GRM4: variants seen among roughly 807,000 people sequenced by gnomAD.
The protein encoded by GRM4 is metabotropic glutamate receptor 4.
Under a neutral mutation model 81.7 loss-of-function variants are expected in GRM4, and 28 were observed. The ratio of observed to expected loss-of-function variants is 0.34; its 90% confidence interval spans 0.25 to 0.47. The LOEUF (loss-of-function observed/expected upper bound fraction) is 0.47. GRM4 is among the 20% of genes least tolerant of loss of function. The pLI, the probability that GRM4 is intolerant of heterozygous loss-of-function variation, is 1.00. For missense variants in GRM4, 948 were observed against 1,290.0 expected (o/e 0.73, Z 4.06); for synonymous variants, 488 against 528.8 (o/e 0.92, Z 1.06).
chr6:34,113,154 T>C (rs1456023102), intron 2 of GRM4, among the ~76,000 whole-genome samples: 1 of 147,426 alleles, frequency 6.8e-6, no homozygotes, highest in Admixed American at 6.7e-5. Context: ...CCTCCCTTCC[T>C]TCCTTTCTTT....
At position 34,114,286 on chromosome 6, in the gene GRM4, C is replaced by T. The variant is rs1320289848; in HGVS notation, c.519+18692G>A. On this transcript the variant is annotated intron_variant, in intron 2 of 10. Coordinates refer to ENST00000538487, the MANE Select transcript of GRM4 (RefSeq NM_000841.4). The surrounding 1 kb of genome is among the most constrained non-coding windows in gnomAD (Gnocchi z 4.3). ...CATTTGGCTCACTCTGCTGCATTCT[C>T]AGCCCAACCCAACATCTGCTACTAA... Among the ~76,000 whole-genome samples, 2 of 152,176 alleles carry T rather than the reference C, an allele frequency of 1.3e-5. No individual in the cohort carries two copies. Among genetic ancestry groups the T allele is most frequent in the Non-Finnish European group, 2.9e-5 (2 of 68,030 alleles).
chr6:34,103,682 C>T (rs1209735498), intron 2 of GRM4: 2 of 1,534,684 alleles, frequency 1.3e-6, no homozygotes, highest in Non-Finnish European at 8.7e-7. Flanking sequence ...CAGCAAGGAG[C>T]CCCAAGGGGC....
At chr6:34,088,712 A>G (rs1768043206) in intron 3 of GRM4, among the ~76,000 whole-genome samples, 1 of 152,198 alleles carries the variant, frequency 6.6e-6, no homozygotes, top group Non-Finnish European at 1.5e-5. Context: ...TCTAAGGCTC[A>G]GTTCTCCCAT....
At chr6:34,073,962 A>G (rs908362221) in intron 3 of GRM4, among the ~76,000 whole-genome samples, 1 of 152,094 alleles carries the variant, frequency 6.6e-6, no homozygotes, top group East Asian at 1.9e-4. Flanking sequence ...AACTGGATGG[A>G]GGGGATGGCA....
intron 2 of GRM4, among the ~76,000 whole-genome samples, chr6:34,128,604 C>T (rs1770119066): frequency 6.6e-6 from 1 of 152,100 alleles, no homozygotes; most frequent in Non-Finnish European, 1.5e-5. Flanking sequence ...TCTCGAACTC[C>T]TGACCTCAAG....
rs553150629 is a variant in GRM4, at chr6:34,102,033, C to CTGTA, written c.520-9935_520-9934insTACA. The stretch of plus-strand genomic sequence containing the variant: ...ACCAGGATCCTTACCTGTCCTCCAC[C>CTGTA]CCCAAAGCATGGCCCTGAAGTCCTA... On this transcript the variant is annotated intron_variant, in intron 2 of 10. Transcript: ENST00000538487. 1,862 of 1,535,606 alleles carry CTGTA rather than the reference C, an allele frequency of 1.2e-3. 4 individuals carry two copies. Among genetic ancestry groups the CTGTA allele is most frequent in the South Asian group, 2.4e-3 (205 of 84,056 alleles).
chr6:34,096,936 G>C (rs992546314), intron 2 of GRM4, among the ~76,000 whole-genome samples: 11 of 149,524 alleles, frequency 7.4e-5, no homozygotes, highest in Admixed American at 1.3e-4. Flanking sequence ...GTGTGTGTCT[G>C]TGTGAGTGTG....
At chr6:34,087,608 GC>G (rs1767967317) in intron 3 of GRM4, among the ~76,000 whole-genome samples, 1 of 151,560 alleles carries the variant, frequency 6.6e-6, no homozygotes, top group Non-Finnish European at 1.5e-5. Flanking sequence ...CAGCCTCCTT[GC>G]CTTTCCCTGG....
intron 2 of GRM4, among the ~76,000 whole-genome samples, chr6:34,116,942 G>A (rs922348313): frequency 3.9e-5 from 6 of 152,052 alleles, no homozygotes; most frequent in South Asian, 2.1e-4. Flanking sequence ...ATTCTGTTAC[G>A]TGAGGCTCAA....
At chr6:34,154,411 G>C (rs1469597093) in intron 1 of GRM4, among the ~76,000 whole-genome samples, 2 of 152,148 alleles carry the variant, frequency 1.3e-5, no homozygotes, top group African/African-American at 4.8e-5. Flanking sequence ...AGCACCCCTA[G>C]TCCAGAATTC....
chr6:34,028,194 T>G lies in GRM4; in HGVS notation c.2615A>C (p.Lys872Thr). ...CCGGAAGTTGCCCTTCTGCGTGAAC[T>G]TGTTGGACATGGTGGCCGCCGTAAC... Reference protein sequence around the residue: ...AVVTAATMSNKFTQKGNFRPN... With the variant: ...AVVTAATMSNTFTQKGNFRPN... The change falls in exon 10 of 11, where the codon AAG becomes ACG. Residue 872 changes from lysine to threonine, a missense_variant. Physicochemically the swap from Lys to Thr is moderately conservative, Grantham distance 78. Transcript: ENST00000538487. 1 of 1,614,048 alleles carries G rather than the reference T, an allele frequency of 6.2e-7. No individual in the cohort carries two copies. The highest frequency in any genetic ancestry group is 8.5e-7 in the Non-Finnish European group (1 of 1,180,030).
rs1766680470 is a variant in GRM4, at chr6:34,069,537, C to T, written c.737-7509G>A. Among the ~76,000 whole-genome samples the T allele has an allele frequency of 6.6e-6, 1 of 152,122 alleles. No homozygotes were observed. Among genetic ancestry groups the T allele is most frequent in the Admixed American group, 6.5e-5 (1 of 15,274 alleles). ...TGCACAGAGGGCCAGGCCTAGTTCC[C>T]GTCACCTGTCACCCCTGCCCCATCT... On this transcript the variant is annotated intron_variant, in intron 3 of 10. Transcript: ENST00000538487. This position sits in a 1 kb window ranked among gnomAD's most constrained non-coding sequence, Gnocchi z 6.4.
At position 34,028,317 on chromosome 6, in the gene GRM4, G is replaced by C. The variant is rs373592485; in HGVS notation, c.2492C>G (p.Ser831Trp). ...CATGTAGAGCATTCCCAGGGACACC[G>C]AGGCGCTCAGACTCACCGAGACCGT... ...TLTVSVSLSASVSLGMLYMPK... is the reference protein window; with the variant it reads ...TLTVSVSLSAWVSLGMLYMPK... The change falls in exon 10 of 11, where the codon TCG becomes TGG. Residue 831 changes from serine to tryptophan, a missense_variant. Transcript: ENST00000538487. 2 of 1,612,824 alleles carry C rather than the reference G, an allele frequency of 1.2e-6. No individual in the cohort carries two copies. Among genetic ancestry groups the C allele is most frequent in the Non-Finnish European group, 1.7e-6 (2 of 1,179,914 alleles).
rs1248717546 is a variant in GRM4 at position 34,090,164 on chromosome 6, A to ATT, written c.736+1718_736+1719insAA. On this transcript the variant is annotated intron_variant, in intron 3 of 10. Transcript: ENST00000538487. This position sits in a 1 kb window ranked among gnomAD's most constrained non-coding sequence, Gnocchi z 5.2. The stretch of plus-strand genomic sequence containing the variant: ...GACAGCAGGTGCTGGGCACAGAGGG[A>ATT]GGCCTGCATGAGCACTGGGGGTGGC... Among the ~76,000 whole-genome samples, 1 of 152,164 alleles carries ATT rather than the reference A, an allele frequency of 6.6e-6. No individual in the cohort carries two copies. Among genetic ancestry groups the ATT allele is most frequent in the Non-Finnish European group, 1.5e-5 (1 of 68,014 alleles).
At chr6:34,041,953 G>T (rs916404872) in intron 6 of GRM4, among the ~76,000 whole-genome samples, 1 of 152,152 alleles carries the variant, frequency 6.6e-6, no homozygotes, top group South Asian at 2.1e-4. Flanking sequence ...CACCTCCATT[G>T]TAGAGATGAA....
Position 34,092,519 on chromosome 6 carries a change from T to G in GRM4, c.520-420A>C, listed in dbSNP as rs1768289972. On this transcript the variant is annotated intron_variant, in intron 2 of 10. Coordinates refer to ENST00000538487, the MANE Select transcript of GRM4 (RefSeq NM_000841.4). The surrounding 1 kb of genome is among the most constrained non-coding windows in gnomAD (Gnocchi z 6.8). ...CCATCCCATGTCCCCAGGCAGCTCC[T>G]CTGGTCAGGACCCAGCAGACCCTGT... Among the ~76,000 whole-genome samples, 1 of 151,610 alleles carries G rather than the reference T, an allele frequency of 6.6e-6. No homozygotes were observed. The highest frequency in any genetic ancestry group is 2.4e-5 in the African/African-American group (1 of 41,188).
rs113012339 is a variant in GRM4 at position 34,124,842 on chromosome 6, C to G, written c.519+8136G>C. On this transcript the variant is annotated intron_variant, in intron 2 of 10. Coordinates refer to ENST00000538487, the MANE Select transcript of GRM4 (RefSeq NM_000841.4). ...GCCAGCACTCATGAACTTGAGGACC[C>G]CCCCCTAGACTCAGCCTTCACCTCA... is the stretch of plus-strand genomic sequence containing the variant. 1.6e-3 allele frequency among the ~76,000 whole-genome samples: 246 copies of G among 152,198 alleles called. 3 individuals are homozygous for G. The South Asian group carries it at 0.022, about 14-fold the overall frequency.
chr6:34,126,271 T>C (rs1254244785), intron 2 of GRM4, among the ~76,000 whole-genome samples: 10 of 152,218 alleles, frequency 6.6e-5, no homozygotes, highest in Admixed American at 6.5e-4. Context: ...TTCTCAGTTC[T>C]GCAAAATAGG....
Position 34,111,185 on chromosome 6 carries a change from G to A in GRM4, c.520-19086C>T, listed in dbSNP as rs1455394934. Among the ~76,000 whole-genome samples, 11 of 145,752 alleles carry A rather than the reference G, an allele frequency of 7.5e-5. No individual in the cohort carries two copies. On this transcript the variant is annotated intron_variant, in intron 2 of 10. Transcript: ENST00000538487. The surrounding 1 kb of genome is among the most constrained non-coding windows in gnomAD (Gnocchi z 5.1). The stretch of plus-strand genomic sequence containing the variant: ...GATCCAACCCTTCCAGGAGCTGGTG[G>A]AGGCATGCTGTCAGACAGGCAAGAA...
Sources: allele counts gnomAD v4.1 joint callset (sites outside exome capture counted in the v4.1 genomes callset), GRCh38; gene constraint gnomAD v4.1.1; non-coding constraint Gnocchi (gnomAD v3.1); transcripts MANE v1.5; gene names NCBI Gene and HGNC (gene_info 2026-07-23, HGNC 2026-07-21).